CFAP44: variants seen among roughly 807,000 people sequenced by gnomAD.
The protein encoded by CFAP44 is cilia and flagella associated protein 44.
CFAP44 carries 134 observed loss-of-function variants against 216.2 expected under a neutral mutation model. That is an observed-to-expected ratio of 0.62 (90% CI 0.54 to 0.72). CFAP44 has a LOEUF of 0.72. Among genes scored for constraint, CFAP44 ranks in the 30% least tolerant of loss-of-function variants. CFAP44 has a pLI of 0.00. For synonymous variants in CFAP44, 700 were observed against 727.6 expected, an observed-to-expected ratio of 0.96 and a Z score of 0.61; for missense variants, 2,035 against 2,182.1, an observed-to-expected ratio of 0.93 and a Z score of 1.34.
chr3:113,360,079 C>CAA (rs557551907), intron 21 of CFAP44, among the ~76,000 whole-genome samples: 2 of 130,482 alleles, frequency 1.5e-5, no homozygotes, highest in Admixed American at 7.6e-5. Context: ...ATCTTGTTAC[C>CAA]AAAAAAAAAA....
intron 34 of CFAP44, among the ~76,000 whole-genome samples, chr3:113,293,335 G>A (rs770074731): frequency 3.3e-5 from 5 of 152,202 alleles, no homozygotes; most frequent in African/African-American, 7.2e-5. Flanking sequence ...AGTCAGCGTT[G>A]GAGGCAGACA....
intron 15 of CFAP44, among the ~76,000 whole-genome samples, chr3:113,383,825 C>T (rs1043908062): frequency 2.0e-5 from 3 of 152,150 alleles, no homozygotes; most frequent in Admixed American, 1.3e-4. Flanking sequence ...TAGGTATACA[C>T]GTGCCATGGT....
Position 113,396,847 on chromosome 3 carries a change from T to C in CFAP44, c.1570-120A>G, listed in dbSNP as rs80297060. ...TATTGGCTGCCCATTGGCAATTCTT[T>C]ATATCACTTTCTGGTAACCTCTATC... is the stretch of plus-strand genomic sequence containing the variant. On this transcript the variant is annotated intron_variant, in intron 13 of 34. Transcript: ENST00000393845. The C allele has an allele frequency of 1.1e-3, 1,112 of 969,712 alleles. 10 individuals carry two copies. In the African/African-American group the frequency reaches 0.017, roughly 14 times the overall value. The allele number at this position is 969,712 out of a possible 1,614,324, so 60.1% of individuals were successfully genotyped here. A position where few individuals can be genotyped will look rare whatever the true frequency, so the allele number is the denominator to read the frequency against.
At chr3:113,436,261 T>C (rs564306066) in intron 1 of CFAP44, among the ~76,000 whole-genome samples, 1 of 152,098 alleles carries the variant, frequency 6.6e-6, no homozygotes, top group African/African-American at 2.4e-5. Context: ...TAAAGAATTA[T>C]GCAGCCAATT....
intron 15 of CFAP44, 68 bp downstream of exon 15, chr3:113,395,682 T>C (rs906557787): frequency 2.0e-5 from 27 of 1,375,932 alleles, no homozygotes; most frequent in Non-Finnish European, 2.5e-5. Flanking sequence ...TGCTATTTTC[T>C]ATCTACAAGA....
intron 28 of CFAP44, among the ~76,000 whole-genome samples, chr3:113,313,695 T>C (rs1041570932): frequency 6.6e-6 from 1 of 152,172 alleles, no homozygotes; most frequent in African/African-American, 2.4e-5. Flanking sequence ...TGGCAGTGAA[T>C]ATGTCTCACA....
intron 1 of CFAP44, among the ~76,000 whole-genome samples, chr3:113,435,503 T>C (rs958955253): frequency 8.6e-5 from 13 of 151,944 alleles, no homozygotes; most frequent in African/African-American, 3.1e-4. Flanking sequence ...CCATGACACA[T>C]GGGGATTATG....
rs142502427 is a variant in CFAP44, at chr3:113,326,358, A to T, written c.4516+87T>A. On this transcript the variant is annotated intron_variant, in intron 28 of 34. Transcript: ENST00000393845. ...CATTGTCCATGTTATAGTGAAAAAA[A>T]TAAGGTATCTAATAGGTCCCTTAGT... 32 of 1,230,054 alleles carry T rather than the reference A, an allele frequency of 2.6e-5. No homozygotes were observed. The African/African-American group carries it at 4.2e-4, about 16-fold the overall frequency. 76.2% of individuals were successfully genotyped at this position (1,230,054 alleles called of 1,614,324 possible). A position where few individuals can be genotyped will look rare whatever the true frequency, so the allele number is the denominator to read the frequency against.
intron 22 of CFAP44, among the ~76,000 whole-genome samples, chr3:113,347,716 G>T (rs1950399840): frequency 6.6e-6 from 1 of 152,134 alleles, no homozygotes; most frequent in Non-Finnish European, 1.5e-5. Context: ...CTTCAGAAAT[G>T]ATATCCTTCC....
At chr3:113,293,999 C>T (rs768665667) in intron 34 of CFAP44, 3 of 456,626 alleles carry the variant, frequency 6.6e-6, no homozygotes, top group Non-Finnish European at 8.8e-6. Context: ...TTCAGAGGAC[C>T]AAACTGTTGG....
chr3:113,376,447 A>G (rs1933346735), intron 17 of CFAP44, among the ~76,000 whole-genome samples: 1 of 152,228 alleles, frequency 6.6e-6, no homozygotes, highest in African/African-American at 2.4e-5. Context: ...CCTTAGCAAG[A>G]AAGAGGGGGC....
chr3:113,407,391 C>T (rs990503928), intron 7 of CFAP44, among the ~76,000 whole-genome samples: 23 of 152,214 alleles, frequency 1.5e-4, no homozygotes, highest in Non-Finnish European at 2.5e-4. Context: ...TTCAGTCACA[C>T]TAGCCAATTT....
chr3:113,316,574 A>G (rs1456937530), intron 28 of CFAP44, among the ~76,000 whole-genome samples: 1 of 152,202 alleles, frequency 6.6e-6, no homozygotes, highest in Non-Finnish European at 1.5e-5. Flanking sequence ...CAAGTTACCA[A>G]TATGAAGAAT....
At chr3:113,299,331 G>A (rs539084477) in intron 32 of CFAP44, among the ~76,000 whole-genome samples, 56 of 152,230 alleles carry the variant, frequency 3.7e-4, no homozygotes, top group Middle Eastern at 6.8e-3. Context: ...ATTGCTGATC[G>A]TCAGAAAAGT....
Position 113,363,166 on chromosome 3 carries a change from C to T in CFAP44, c.2913G>A (p.Lys971=). Residue 971 remains lysine, a synonymous_variant, in exon 21 of 35, where the codon AAG becomes AAA. Coordinates refer to ENST00000393845, the MANE Select transcript of CFAP44 (RefSeq NM_001164496.2). ...TTACTGTTCGTTTAAACTGCATATG[C>T]TTTGGTAATTTTTCATTCATTTCTA... ...NLLEMNEKLP[K]HMQFKRTDFD... 6.2e-7 allele frequency: 1 copy of T among 1,608,734 alleles called. No homozygotes were observed. Among genetic ancestry groups the T allele is most frequent in the Non-Finnish European group, 8.5e-7 (1 of 1,178,400 alleles).
At chr3:113,330,071 G>A (rs1311771002) in intron 26 of CFAP44, 97 bp downstream of exon 26, 4 of 1,397,466 alleles carry the variant, frequency 2.9e-6, no homozygotes, top group Non-Finnish European at 3.8e-6. Flanking sequence ...AAAGGTTCAT[G>A]CAGAGAAATT....
At chr3:113,437,540 A>G (rs1267765767) in intron 1 of CFAP44, among the ~76,000 whole-genome samples, 1 of 152,244 alleles carries the variant, frequency 6.6e-6, no homozygotes, top group Non-Finnish European at 1.5e-5. Flanking sequence ...ATAAACTTTC[A>G]CATTACAAAC....
At position 113,319,593 on chromosome 3, in the gene CFAP44, C is replaced by T. The variant is rs192581256; in HGVS notation, c.4516+6852G>A. ...AACACTTGACCAATTGGACCTAATA[C>T]GCATCTACAGAACACTCAATCCAAC... On this transcript the variant is annotated intron_variant, in intron 28 of 34. Coordinates refer to ENST00000393845, the MANE Select transcript of CFAP44 (RefSeq NM_001164496.2). Among the ~76,000 whole-genome samples, 73 of 151,634 alleles carry T rather than the reference C, an allele frequency of 4.8e-4. 1 individual carries two copies. Among genetic ancestry groups the T allele is most frequent in the East Asian group, 5.8e-4 (3 of 5,176 alleles).
At chr3:113,294,155 G>A (rs1285642601) in intron 34 of CFAP44, 3 of 434,056 alleles carry the variant, frequency 6.9e-6, no homozygotes, top group African/African-American at 6.1e-5. Context: ...TAGGTTTGTA[G>A]AGGGCAAGAC....
Sources: allele counts gnomAD v4.1 joint callset (sites outside exome capture counted in the v4.1 genomes callset), GRCh38; gene constraint gnomAD v4.1.1; transcripts MANE v1.5; gene names NCBI Gene and HGNC (gene_info 2026-07-23, HGNC 2026-07-21).